ASPSCR1: variants seen among roughly 807,000 people sequenced by gnomAD.
ASPSCR1 encodes the protein ASPSCR1 tether for SLC2A4, UBX domain containing, also known as tether containing UBX domain for GLUT4.
ASPSCR1 carries 55 observed loss-of-function variants against 68.9 expected under a neutral mutation model. That is an observed-to-expected ratio of 0.80 (90% CI 0.64 to 1.00). The LOEUF is 1.00. ASPSCR1 is among the 50% of genes least tolerant of loss of function. The pLI is 0.00. For synonymous variants in ASPSCR1, 352 were observed against 332.6 expected, an observed-to-expected ratio of 1.06 and a Z score of -0.63; for missense variants, 765 against 762.2, an observed-to-expected ratio of 1.00 and a Z score of -0.04.
intron 7 of ASPSCR1, 91 bp from the exon 8 acceptor site, chr17:82,008,946 T>C: frequency 7.1e-7 from 1 of 1,408,336 alleles, no homozygotes; most frequent in South Asian, 1.5e-5. Flanking sequence ...CTCCCAAGTC[T>C]GTGTGACCAC....
At chr17:82,015,060 ACTTTCC>A (rs1158429427) in intron 12 of ASPSCR1, 1 of 1,593,272 alleles carries the variant, frequency 6.3e-7, no homozygotes, top group Non-Finnish European at 8.5e-7. Context: ...GGTGTGACCC[ACTTTCC>A]CTTTCCAGCC....
intron 4 of ASPSCR1, among the ~76,000 whole-genome samples, chr17:81,989,378 C>T (rs1015682466): frequency 6.6e-6 from 1 of 152,170 alleles, no homozygotes; most frequent in East Asian, 1.9e-4. Context: ...AGCTGGTCCC[C>T]AGCAGGTCTG....
chr17:81,995,280 C>G, intron 5 of ASPSCR1: 9 of 318,162 alleles, frequency 2.8e-5, no homozygotes, highest in Non-Finnish European at 4.0e-5. Context: ...GTGCCCTTTG[C>G]TGGGGTGGGG....
At chr17:81,978,121 C>T (rs1021077160) in intron 1 of ASPSCR1, 1 of 160,052 alleles carries the variant, frequency 6.2e-6, no homozygotes, top group Non-Finnish European at 1.4e-5. Context: ...AGCGGGAGCC[C>T]GGGTTGCGCG....
chr17:81,990,505 A>T lies in ASPSCR1; in HGVS notation c.375-4316A>T, dbSNP rs189206105. Among the ~76,000 whole-genome samples, 1 of 148,762 alleles carries T rather than the reference A, an allele frequency of 6.7e-6. No homozygotes were observed. The highest frequency in any genetic ancestry group is 1.5e-5 in the Non-Finnish European group (1 of 67,412). On this transcript the variant is annotated intron_variant, in intron 4 of 15. Transcript: ENST00000306739. The surrounding 1 kb of genome is among the most constrained non-coding windows in gnomAD (Gnocchi z 4.1). ...CCTGTGTCTGAGTTTGGGATCTTCC[A>T]CGCCGAGCTCTGGGGGACACTGCTC...
intron 7 of ASPSCR1, among the ~76,000 whole-genome samples, chr17:82,000,285 G>T (rs942621544): frequency 1.3e-5 from 2 of 152,232 alleles, no homozygotes; most frequent in Non-Finnish European, 2.9e-5. Context: ...AGTAGTGCCC[G>T]CCCGTGCTCG....
chr17:81,984,348 C>T (rs920948961), intron 3 of ASPSCR1, among the ~76,000 whole-genome samples: 6 of 152,032 alleles, frequency 3.9e-5, no homozygotes, highest in Admixed American at 1.3e-4. Flanking sequence ...GAGGCCGAGG[C>T]GGGCAGATCA....
intron 4 of ASPSCR1, among the ~76,000 whole-genome samples, chr17:81,994,110 G>A (rs1045110266): frequency 3.3e-5 from 5 of 152,258 alleles, no homozygotes; most frequent in South Asian, 2.1e-4. Context: ...TGGATGTGAC[G>A]GCATGTGCCC....
chr17:81,996,845 G>C lies in ASPSCR1; in HGVS notation c.932G>C (p.Arg311Pro), dbSNP rs564920024. 1.3e-6 allele frequency: 2 copies of C among 1,589,682 alleles called. No homozygotes were observed. The highest frequency in any genetic ancestry group is 2.7e-5 in the African/African-American group (2 of 73,708). Reference protein sequence around the residue: ...RDPQQEQERERPVDREPVDRE... With the variant: ...RDPQQEQEREPPVDREPVDRE... ...CCCCAGCAGGAGCAGGAGCGGGAGC[G>C]GGTAAAAGGGGCTCTAGGCCTTGGG... The change falls in exon 7 of 16, where the codon CGG (arginine) becomes CCG (proline). Residue 311 changes from arginine (R) to proline (P), a missense_variant and splice_region_variant. Transcript: ENST00000306739.
chr17:81,998,960 A>C (rs1045186481), intron 7 of ASPSCR1, among the ~76,000 whole-genome samples: 1 of 152,138 alleles, frequency 6.6e-6, no homozygotes, highest in African/African-American at 2.4e-5. Context: ...GCCTCCCCCC[A>C]ACCGTGGGGA....
intron 12 of ASPSCR1, chr17:82,013,069 GC>G (rs897765315): frequency 2.6e-5 from 4 of 152,248 alleles, no homozygotes; most frequent in African/African-American, 9.6e-5. Flanking sequence ...CTTGCTCACT[GC>G]CTGGGGCTGC....
chr17:82,015,202 T>C (rs779195074), intron 12 of ASPSCR1: 37 of 1,598,150 alleles, frequency 2.3e-5, no homozygotes, highest in African/African-American at 4.0e-5. Flanking sequence ...GGGAGGCTTC[T>C]TTTTTGGGGT....
At position 81,986,750 on chromosome 17, in the gene ASPSCR1, G is replaced by A. The variant is rs1019501998; in HGVS notation, c.374+1143G>A. On this transcript the variant is annotated intron_variant, in intron 4 of 15. Transcript: ENST00000306739. This position sits in a 1 kb window ranked among gnomAD's most constrained non-coding sequence, Gnocchi z 5.2. The stretch of plus-strand genomic sequence containing the variant: ...GTGGGAAGGTGACCGCGCGTCGGGC[G>A]CTGGGAAGGTGACTGTGCGTTGGGC... 1.3e-5 allele frequency among the ~76,000 whole-genome samples: 2 copies of A among 152,250 alleles called. No homozygotes were observed. Among genetic ancestry groups the A allele is most frequent in the Non-Finnish European group, 1.5e-5 (1 of 68,040 alleles).
In ASPSCR1 at chr17:81,996,768, C is replaced by G. The variant is rs1453385636; in HGVS notation, c.855C>G (p.Ser285=). Reference sequence around the variant, plus strand: ...GAGGCCCCTCCAAGCCAAAGAAGTCCAAGTCGGGCCAGGATCCCCAGCAGG... The same window carrying G: ...GAGGCCCCTCCAAGCCAAAGAAGTCGAAGTCGGGCCAGGATCCCCAGCAGG... ...SPGGPSKPKK[S]KSGQDPQQEQ... Residue 285 remains serine (S), a synonymous_variant, in exon 7 of 16, where the codon TCC becomes TCG. Transcript: ENST00000306739. 1.9e-6 allele frequency: 3 copies of G among 1,612,402 alleles called. No homozygotes were observed. In the Admixed American group the frequency reaches 5.0e-5, roughly 27 times the overall value.
In ASPSCR1 at chr17:81,977,868, C is replaced by T; in HGVS notation, c.102+120C>T. The T allele has an allele frequency of 2.9e-6, 2 of 689,874 alleles. No homozygotes were observed. Among genetic ancestry groups the T allele is most frequent in the Non-Finnish European group, 3.9e-6 (2 of 510,244 alleles). The allele number at this position is 689,874 out of a possible 1,614,324, so 42.7% of individuals were successfully genotyped here. ...GGGGCCTCGGCGGCCAATGAGCGGC[C>T]TCCTGAGCGGCGGCCCCGCCCCCTG... On this transcript the variant is annotated intron_variant, in intron 1 of 15. Transcript: ENST00000306739. The surrounding 1 kb of genome is among the most constrained non-coding windows in gnomAD (Gnocchi z 5.0).
chr17:81,994,023 A>G (rs982353768), intron 4 of ASPSCR1, among the ~76,000 whole-genome samples: 11 of 152,216 alleles, frequency 7.2e-5, no homozygotes, highest in Non-Finnish European at 1.6e-4. Flanking sequence ...GGAGGATTTC[A>G]CGGTGGGGAG....
intron 2 of ASPSCR1, 88 bp downstream of exon 2, chr17:81,979,327 C>G (rs2041720607): frequency 6.8e-7 from 1 of 1,477,776 alleles, no homozygotes; most frequent in African/African-American, 1.4e-5. Flanking sequence ...GAAAAGCCCC[C>G]AGGTGGTTTT....
At chr17:81,994,637 T>C (rs545413638) in intron 4 of ASPSCR1, among the ~76,000 whole-genome samples, 184 bp from the exon 5 acceptor site, 1 of 152,126 alleles carries the variant, frequency 6.6e-6, no homozygotes, top group East Asian at 1.9e-4. Context: ...GTGCCTCCTT[T>C]TGGTGGTTGT....
At chr17:82,001,051 C>T (rs1598415041) in intron 7 of ASPSCR1, among the ~76,000 whole-genome samples, 2 of 152,222 alleles carry the variant, frequency 1.3e-5, no homozygotes, top group Admixed American at 1.3e-4. Context: ...CCTGGGGTTT[C>T]CTCAGCACCC....
Sources: gnomAD v4.1 joint callset for allele counts (sites outside exome capture counted in the v4.1 genomes callset) on GRCh38, gnomAD v4.1.1 for gene constraint, Gnocchi (gnomAD v3.1) non-coding constraint, MANE v1.5 for transcripts, NCBI Gene and HGNC (gene_info 2026-07-23, HGNC 2026-07-21) for gene names.